Variants in ANKFY1 observed in about 807,000 individuals in gnomAD.
ANKFY1 encodes ankyrin repeat and FYVE domain-containing protein 1.
ANKFY1 carries 47 observed loss-of-function variants against 128.3 expected under a neutral mutation model. That is an observed-to-expected ratio of 0.37 (90% CI 0.29 to 0.47). The LOEUF is 0.47. Among genes scored for constraint, ANKFY1 ranks in the 20% least tolerant of loss-of-function variants. The pLI is 1.00. For synonymous variants in ANKFY1, 553 were observed against 601.6 expected (o/e 0.92, Z 1.18); for missense variants, 1,222 against 1,510.6 (o/e 0.81, Z 3.17).
intron 1 of ANKFY1, chr17:4,263,609 C>G (rs1015069428): frequency 1.2e-5 from 19 of 1,534,834 alleles, no homozygotes; most frequent in Non-Finnish European, 1.7e-5. Flanking sequence ...CCCGGCGTCC[C>G]GGCACCGCCG....
chr17:4,234,668 CTG>C (rs1265480096), intron 3 of ANKFY1, among the ~76,000 whole-genome samples: 1 of 152,098 alleles, frequency 6.6e-6, no homozygotes, highest in Non-Finnish European at 1.5e-5. Context: ...ACATGCCATC[CTG>C]TCCAGCTAAT....
chr17:4,235,000 A>G (rs1966866676), intron 3 of ANKFY1, among the ~76,000 whole-genome samples: 1 of 152,172 alleles, frequency 6.6e-6, no homozygotes. Flanking sequence ...AAGAAAGAAT[A>G]TTGTTATTCT....
intron 1 of ANKFY1, among the ~76,000 whole-genome samples, chr17:4,261,686 C>A (rs971095801): frequency 1.5e-4 from 23 of 152,350 alleles, no homozygotes; most frequent in South Asian, 2.1e-4. Flanking sequence ...AGGGCTGGAA[C>A]CCGACTGCAA....
Position 4,184,997 on chromosome 17 carries a change from G to A in ANKFY1, c.1520C>T (p.Thr507Met). The stretch of plus-strand genomic sequence containing the variant: ...GGCGCCTTGCTGCAGGAGCTCTGCC[G>A]TGAGGTTGGCCAGGCCATGCCGACA... ...TACRHGLANL[T>M]AELLQQGANP... is the part of the protein sequence containing the mutation. Residue 507 changes from threonine (T) to methionine (M), a missense_variant, in exon 12 of 25, where the codon ACG (threonine) becomes ATG (methionine). Thr to Met is a moderately conservative substitution (Grantham distance 81). Coordinates refer to ENST00000341657, the MANE Select transcript of ANKFY1 (RefSeq NM_001330063.2). The A allele has an allele frequency of 6.2e-7, 1 of 1,613,832 alleles. No homozygotes were observed. The highest frequency in any genetic ancestry group is 1.1e-5 in the South Asian group (1 of 91,086).
chr17:4,216,156 A>G (rs2060217611), intron 4 of ANKFY1, among the ~76,000 whole-genome samples: 2 of 152,216 alleles, frequency 1.3e-5, no homozygotes, highest in South Asian at 4.1e-4. Context: ...CCAGCCCATG[A>G]CGAAAACAGC....
At chr17:4,189,177 G>A (rs1483924193) in intron 11 of ANKFY1, among the ~76,000 whole-genome samples, 1 of 152,186 alleles carries the variant, frequency 6.6e-6, no homozygotes, top group African/African-American at 2.4e-5. Context: ...CAAACGCTTA[G>A]GAAATGGCTG....
intron 3 of ANKFY1, among the ~76,000 whole-genome samples, chr17:4,219,044 T>G (rs949380562): frequency 2.0e-5 from 3 of 152,180 alleles, no homozygotes; most frequent in African/African-American, 7.2e-5. Context: ...GAAGGATATA[T>G]ACTAAAATAT....
At chr17:4,222,673 C>A in intron 3 of ANKFY1, 2 of 870,028 alleles carry the variant, frequency 2.3e-6, no homozygotes, top group Non-Finnish European at 3.9e-6. Context: ...CAAAAATGGC[C>A]CTGACACGCA....
At chr17:4,199,989 G>C (rs1332024042) in intron 7 of ANKFY1, among the ~76,000 whole-genome samples, 1 of 152,096 alleles carries the variant, frequency 6.6e-6, no homozygotes, top group African/African-American at 2.4e-5. Context: ...ACGCCTTGCT[G>C]GGTGAAAGCA....
At chr17:4,235,513 TA>T (rs1463805008) in intron 3 of ANKFY1, among the ~76,000 whole-genome samples, 5 of 152,308 alleles carry the variant, frequency 3.3e-5, no homozygotes, top group Admixed American at 6.5e-5. Context: ...TTACATTTTA[TA>T]AATCATAAGG....
In ANKFY1 at chr17:4,206,467, T is replaced by G; in HGVS notation, c.752A>C (p.Glu251Ala). The change falls in exon 7 of 25, where the codon GAA becomes GCA. Residue 251 changes from glutamate to alanine, a missense_variant. Physicochemically the swap from Glu to Ala is moderately radical, Grantham distance 107. Transcript: ENST00000341657. ...TGCCAGATCTCCGTTATGATCCGCT[T>G]CATTCAGCTTCCCAGGGAGCTACAC... ...MDSQLPGKLN[E>A]ADHNGDLALD... 6.2e-7 allele frequency: 1 copy of G among 1,613,110 alleles called. No homozygotes were observed. Among genetic ancestry groups the G allele is most frequent in the Non-Finnish European group, 8.5e-7 (1 of 1,179,112 alleles).
At chr17:4,210,228 C>G (rs144218157) in intron 4 of ANKFY1, among the ~76,000 whole-genome samples, 44 of 152,308 alleles carry the variant, frequency 2.9e-4, no homozygotes, top group African/African-American at 1.1e-3. Context: ...AGCACACATA[C>G]GACACCCGCT....
rs979510447 is a variant in ANKFY1 at position 4,166,819 on chromosome 17, A to C, written c.*960T>G. The C allele has an allele frequency of 1.3e-5, 2 of 152,306 alleles. No homozygotes were observed. The highest frequency in any genetic ancestry group is 3.8e-4 in the East Asian group (2 of 5,202). 9.4% of individuals were successfully genotyped at this position (152,306 alleles called of 1,614,324 possible). A position where few individuals can be genotyped will look rare whatever the true frequency, so the allele number is the denominator to read the frequency against. On this transcript the variant is annotated 3_prime_UTR_variant, in exon 25 of 25. Transcript: ENST00000341657. ...CCCTCTCATCACTTGGCCTGTATGA[A>C]TCTCTTGCTCTAAAAGATGCTCTGT...
At position 4,177,134 on chromosome 17, in the gene ANKFY1, G is replaced by A; in HGVS notation, c.2767C>T (p.Arg923Cys). The A allele has an allele frequency of 5.1e-6, 8 of 1,582,728 alleles. No homozygotes were observed. The highest frequency in any genetic ancestry group is 1.2e-5 in the South Asian group (1 of 85,216). The change falls in exon 19 of 25, where the codon CGC (arginine) becomes TGC (cysteine). Residue 923 changes from arginine to cysteine, a missense_variant. By Grantham distance (180) the Arg-to-Cys change is radical (BLOSUM62 -3). Coordinates refer to ENST00000341657, the MANE Select transcript of ANKFY1 (RefSeq NM_001330063.2). ...AVQAGSEIIVRNLLLAGAKVN... is the reference protein window; with the variant it reads ...AVQAGSEIIVCNLLLAGAKVN... ...ACTTCTGTGTCACTTACCAAATTGC[G>A]GACAATAATTTCTGAGCCTGCTTGG...
At chr17:4,234,201 A>G (rs141741280) in intron 3 of ANKFY1, among the ~76,000 whole-genome samples, 2 of 152,298 alleles carry the variant, frequency 1.3e-5, no homozygotes, top group African/African-American at 2.4e-5. Flanking sequence ...GATTTGTGTA[A>G]CTATACTCTA....
intron 24 of ANKFY1, among the ~76,000 whole-genome samples, chr17:4,168,402 G>A (rs978577134): frequency 5.3e-5 from 8 of 152,262 alleles, no homozygotes; most frequent in Admixed American, 3.3e-4. Flanking sequence ...GCAGTAAGCC[G>A]AGCTCGTGTC....
intron 1 of ANKFY1, among the ~76,000 whole-genome samples, chr17:4,254,749 T>C (rs1401101977): frequency 2.0e-5 from 3 of 152,236 alleles, no homozygotes; most frequent in Non-Finnish European, 4.4e-5. Flanking sequence ...CATCATTCTA[T>C]GGAGTAAAAG....
chr17:4,262,733 C>G (rs1314953093), intron 1 of ANKFY1, among the ~76,000 whole-genome samples: 2 of 151,902 alleles, frequency 1.3e-5, no homozygotes, highest in East Asian at 3.9e-4. Context: ...TGGGACAGAG[C>G]GAGACCCTAT....
In ANKFY1 at chr17:4,206,360, T is replaced by G. The variant is rs755327462; in HGVS notation, c.859A>C (p.Lys287Gln). ...SHKADVDMVD[K>Q]SGWSLLHKGI... is the part of the protein sequence containing the mutation. ...TTGTGTAACAAGCTCCAGCCACTCT[T>G]GTCCACCATGTCCACATCAGCTTTG... Residue 287 changes from lysine to glutamine, a missense_variant, in exon 7 of 25, where the codon AAG becomes CAG. Transcript: ENST00000341657. 1.9e-6 allele frequency: 3 copies of G among 1,614,200 alleles called. No individual in the cohort carries two copies. In the Admixed American group the frequency reaches 5.0e-5, roughly 27 times the overall value.
Sources: gnomAD v4.1 joint callset for allele counts (sites outside exome capture counted in the v4.1 genomes callset) on GRCh38, gnomAD v4.1.1 for gene constraint, MANE v1.5 for transcripts, NCBI Gene and HGNC (gene_info 2026-07-23, HGNC 2026-07-21) for gene names.